Variants in SENP6 observed in about 807,000 individuals in gnomAD.
The protein encoded by SENP6 is sentrin-specific protease 6.
A neutral mutation model predicts 134.5 loss-of-function variants in SENP6; 41 were observed. The ratio of observed to expected loss-of-function variants is 0.30; its 90% CI spans 0.24 to 0.40. SENP6 has a LOEUF of 0.40. Among genes scored for constraint, SENP6 ranks in the 10% least tolerant of loss-of-function variants. The probability of loss-of-function intolerance (pLI) is 1.00; values close to 1 mark genes in which losing one functional copy is unlikely to be tolerated. For missense variants in SENP6, 1,248 were observed against 1,312.5 expected (o/e 0.95, Z 0.76); for synonymous variants, 395 against 429.8 (o/e 0.92, Z 1.00).
intron 18 of SENP6, among the ~76,000 whole-genome samples, chr6:75,699,723 G>A (rs976339203): frequency 1.3e-5 from 2 of 151,818 alleles, no homozygotes; most frequent in African/African-American, 2.4e-5. Flanking sequence ...CTCCAGAGCC[G>A]AAGCGGTCCA....
chr6:75,624,524 ATC>A (rs1561976757), intron 3 of SENP6, among the ~76,000 whole-genome samples: 1 of 152,032 alleles, frequency 6.6e-6, no homozygotes, highest in Non-Finnish European at 1.5e-5. Flanking sequence ...ATCTGAACGT[ATC>A]TGTTTCCCCA....
At chr6:75,631,226 T>C (rs1769092334) in intron 3 of SENP6, among the ~76,000 whole-genome samples, 1 of 152,182 alleles carries the variant, frequency 6.6e-6, no homozygotes, top group Non-Finnish European at 1.5e-5. Flanking sequence ...CTGATATTCT[T>C]CGGTGCTAAA....
At position 75,702,667 on chromosome 6, in the gene SENP6, G is replaced by T. The variant is rs1169908081; in HGVS notation, c.2311G>T (p.Val771Phe). Reference protein sequence around the residue: ...NEAAHWFLAVVCFPGLEKPKY... With the variant: ...NEAAHWFLAVFCFPGLEKPKY... ...CAGTGCACACTGGTTTTTGGCTGTT[G>T]TTTGTTTCCCCGGTTTGGAAAAACC... Residue 771 changes from valine (V) to phenylalanine (F), a missense_variant, in exon 19 of 24, where the codon GTT (valine) becomes TTT (phenylalanine). Val to Phe is a conservative substitution (Grantham distance 50). Transcript: ENST00000447266. The T allele has an allele frequency of 1.3e-6, 2 of 1,593,108 alleles. No homozygotes were observed. The highest frequency in any genetic ancestry group is 1.4e-5 in the African/African-American group (1 of 74,040).
In SENP6 at chr6:75,617,277, T is replaced by C. The variant is rs1299937425; in HGVS notation, c.53-4255T>C. Among the ~76,000 whole-genome samples, 4 of 132,492 alleles carry C rather than the reference T, an allele frequency of 3.0e-5. 1 individual carries two copies. The highest frequency in any genetic ancestry group is 1.1e-4 in the African/African-American group (4 of 35,258). The allele number at this position is 132,492 out of a possible 152,430, so 86.9% of individuals were successfully genotyped here. A position where few individuals can be genotyped will look rare whatever the true frequency, so the allele number is the denominator to read the frequency against. ...TTTCTTTCTTTCTTTTTTTTTTTTT[T>C]TTTTTTTTTTTTTGAGACGGAGTTT... On this transcript the variant is annotated intron_variant, in intron 1 of 23. Transcript: ENST00000447266.
chr6:75,616,951 C>T (rs1281867387), intron 1 of SENP6, among the ~76,000 whole-genome samples: 2 of 151,822 alleles, frequency 1.3e-5, no homozygotes, highest in Admixed American at 1.3e-4. Flanking sequence ...GCAGCCTCAA[C>T]CTCCCAGGCT....
intron 7 of SENP6, among the ~76,000 whole-genome samples, chr6:75,650,878 C>T (rs1770809958): frequency 6.6e-6 from 1 of 152,162 alleles, no homozygotes; most frequent in South Asian, 2.1e-4. Flanking sequence ...ATAATTTTCT[C>T]CTAAACGATA....
chr6:75,632,266 TTTGGAACGCAATTGACTG>T (rs1769168197), intron 3 of SENP6, among the ~76,000 whole-genome samples: 1 of 152,194 alleles, frequency 6.6e-6, no homozygotes, highest in Non-Finnish European at 1.5e-5. Flanking sequence ...TAAAATTTTT[TTTGGAACGCAATTGACTG>T]TTAGTAACTG....
chr6:75,698,949 T>C (rs1774835785), intron 18 of SENP6, among the ~76,000 whole-genome samples: 2 of 150,018 alleles, frequency 1.3e-5, no homozygotes, highest in Non-Finnish European at 3.0e-5. Context: ...AGGCAGAGGT[T>C]GCAGTGAGCC....
chr6:75,602,592 C>T lies in SENP6; in HGVS notation c.52+16C>T, dbSNP rs1191477690. ...TTTCTGGAAGGTACGTCTGTTTCTGCCCTTGACGGGGAGAAGGGAGGGTAT... is the reference window on the plus strand; with the variant it reads ...TTTCTGGAAGGTACGTCTGTTTCTGTCCTTGACGGGGAGAAGGGAGGGTAT... On this transcript the variant is annotated intron_variant, in intron 1 of 23. Transcript: ENST00000447266. 8 of 1,550,570 alleles carry T rather than the reference C, an allele frequency of 5.2e-6. No homozygotes were observed. In the African/African-American group the frequency reaches 8.2e-5, roughly 16 times the overall value.
At chr6:75,604,561 G>A (rs1392755893) in intron 1 of SENP6, among the ~76,000 whole-genome samples, 1 of 151,592 alleles carries the variant, frequency 6.6e-6, no homozygotes, top group Non-Finnish European at 1.5e-5. Context: ...GGAAACGGGA[G>A]GCAGAGGTTG....
At chr6:75,672,129 T>G (rs1772728631) in intron 11 of SENP6, among the ~76,000 whole-genome samples, 1 of 152,182 alleles carries the variant, frequency 6.6e-6, no homozygotes. Flanking sequence ...CAGACTGTCT[T>G]TCCTGGTTTC....
chr6:75,624,510 C>T (rs1582694504), intron 3 of SENP6, among the ~76,000 whole-genome samples: 2 of 152,092 alleles, frequency 1.3e-5, no homozygotes, highest in Non-Finnish European at 1.5e-5. Context: ...CTTGTTCCAT[C>T]GATATCTGAA....
rs1775734742 is a variant in SENP6, at chr6:75,711,385, C to A, written c.2878C>A (p.Gln960Lys). The part of the protein sequence containing the change: ...ADDNCSSEIG[Q>K]WHLKPTICKQ... ...TGACAACTGCAGTTCAGAAATAGGA[C>A]AGTGGCATTTAAAGCCTACTATCTG... Residue 960 changes from glutamine (Q) to lysine (K), a missense_variant, in exon 21 of 24, where the codon CAG becomes AAG. This residue lies in a region of SENP6 where 386 missense variants were observed against 395.0 expected (regional missense o/e 0.98). Coordinates refer to ENST00000447266, the MANE Select transcript of SENP6 (RefSeq NM_015571.4). 1 of 1,612,780 alleles carries A rather than the reference C, an allele frequency of 6.2e-7. No individual in the cohort carries two copies. Among genetic ancestry groups the A allele is most frequent in the Non-Finnish European group, 8.5e-7 (1 of 1,179,138 alleles).
chr6:75,616,054 G>T (rs1276762650), intron 1 of SENP6, among the ~76,000 whole-genome samples: 1 of 151,820 alleles, frequency 6.6e-6, no homozygotes, highest in African/African-American at 2.4e-5. Flanking sequence ...TCTCCTCTCT[G>T]GTTCTTTTTG....
chr6:75,622,781 G>A (rs764629794), intron 2 of SENP6: 23 of 1,288,808 alleles, frequency 1.8e-5, no homozygotes, highest in South Asian at 1.4e-4. Flanking sequence ...CAACAGCTCC[G>A]TTCATCATTA....
At chr6:75,675,338 C>T (rs570683358) in intron 11 of SENP6, 97 bp from the exon 12 acceptor site, 8 of 675,962 alleles carry the variant, frequency 1.2e-5, no homozygotes, top group African/African-American at 1.9e-5. Flanking sequence ...AAGAGATAAA[C>T]GAGTAATATA....
At chr6:75,702,455 T>C (rs1039132829) in intron 18 of SENP6, among the ~76,000 whole-genome samples, 190 bp from the exon 19 acceptor site, 1 of 151,914 alleles carries the variant, frequency 6.6e-6, no homozygotes, top group Non-Finnish European at 1.5e-5. Flanking sequence ...TGACCTCAGG[T>C]GATCCACCCA....
In SENP6 at chr6:75,702,690, A is replaced by C; in HGVS notation, c.2334A>C (p.Lys778Asn). ...LAVVCFPGLE[K>N]PKYEPNPHYH... Reference sequence around the variant, plus strand: ...TTGTTTGTTTCCCCGGTTTGGAAAAACCAAAGTATGAACCTAATCCTCATT... The same window carrying C: ...TTGTTTGTTTCCCCGGTTTGGAAAACCCAAAGTATGAACCTAATCCTCATT... Residue 778 changes from lysine (K) to asparagine (N), a missense_variant, in exon 19 of 24, where the codon AAA (lysine) becomes AAC (asparagine). Coordinates refer to ENST00000447266, the MANE Select transcript of SENP6 (RefSeq NM_015571.4). 3.1e-6 allele frequency: 5 copies of C among 1,602,928 alleles called. No individual in the cohort carries two copies. Among genetic ancestry groups the C allele is most frequent in the Non-Finnish European group, 4.3e-6 (5 of 1,173,960 alleles).
At chr6:75,665,790 G>A (rs1404043394) in intron 9 of SENP6, among the ~76,000 whole-genome samples, 1 of 152,074 alleles carries the variant, frequency 6.6e-6, no homozygotes, top group Non-Finnish European at 1.5e-5. Flanking sequence ...ATTTTGGGAG[G>A]CTGAGGCAGG....
Sources: allele counts gnomAD v4.1 joint callset (sites outside exome capture counted in the v4.1 genomes callset), GRCh38; gene constraint gnomAD v4.1.1; regional missense constraint gnomAD v4.1.1; transcripts MANE v1.5; gene names NCBI Gene and HGNC (gene_info 2026-07-23, HGNC 2026-07-21).